ACP3: variants seen among roughly 807,000 people sequenced by gnomAD.
ACP3 encodes prostatic acid phosphatase.
In ACP3, 38 loss-of-function variants were observed where a neutral mutation model predicts 45.6. The observed-to-expected ratio is 0.83, with a 90% CI of 0.64 to 1.09. The LOEUF (loss-of-function observed/expected upper bound fraction) is 1.09, where lower values mean the gene tolerates loss of function less well. ACP3 is among the 50% of genes least tolerant of loss of function. ACP3 has a pLI of 0.00. For missense variants in ACP3, 466 were observed against 463.2 expected (o/e 1.01, Z -0.05); for synonymous variants, 162 against 164.7 (o/e 0.98, Z 0.13).
intron 8 of ACP3, among the ~76,000 whole-genome samples, chr3:132,351,266 C>T (rs1937730679): frequency 6.6e-6 from 1 of 152,190 alleles, no homozygotes; most frequent in Non-Finnish European, 1.5e-5. Context: ...AGCAAGAGAT[C>T]TTAGAAAAGG....
At chr3:132,324,346 G>A (rs1414314684) in intron 1 of ACP3, among the ~76,000 whole-genome samples, 1 of 152,158 alleles carries the variant, frequency 6.6e-6, no homozygotes, top group East Asian at 1.9e-4. Flanking sequence ...AGATTCAGTG[G>A]AGCAGGTTCA....
chr3:132,362,678 C>T (rs1339330440), downstream of ACP3, among the ~76,000 whole-genome samples: 1 of 152,200 alleles, frequency 6.6e-6, no homozygotes, highest in Non-Finnish European at 1.5e-5. Context: ...GATGTTCAAA[C>T]TGAAACCTGA....
chr3:132,328,159 A>T, intron 1 of ACP3, 108 bp from the exon 2 acceptor site: 1 of 748,490 alleles, frequency 1.3e-6, no homozygotes, highest in Non-Finnish European at 2.1e-6. Flanking sequence ...TTACAATGGG[A>T]AGCCAAAGTT....
rs201661914 is a variant in ACP3, at chr3:132,355,921, G to T, written c.969-765G>T. Among the ~76,000 whole-genome samples, 222 of 106,122 alleles carry T rather than the reference G, an allele frequency of 2.1e-3. 2 individuals are homozygous for T. The East Asian group carries it at 0.062, about 30-fold the overall frequency. 69.6% of individuals were successfully genotyped at this position (106,122 alleles called of 152,430 possible). A position where few individuals can be genotyped will look rare whatever the true frequency, so the allele number is the denominator to read the frequency against. ...GACAACCAAAAGTAGCCATTGTAAG[G>T]TTACACCAAAAGAAGGATCTCTAAA... On this transcript the variant is annotated intron_variant, in intron 9 of 9. Coordinates refer to ENST00000336375, the MANE Select transcript of ACP3 (RefSeq NM_001099.5).
chr3:132,366,283 G>A (rs1026416705), intron 10 of ACP3, among the ~76,000 whole-genome samples: 4 of 146,852 alleles, frequency 2.7e-5, no homozygotes, highest in Admixed American at 2.0e-4. Context: ...TTGGGTGACA[G>A]AGTGAAACTC....
At chr3:132,355,058 G>A (rs1200853913) in intron 9 of ACP3, among the ~76,000 whole-genome samples, 5 of 152,188 alleles carry the variant, frequency 3.3e-5, no homozygotes, top group African/African-American at 1.2e-4. Flanking sequence ...ATTAATAGAT[G>A]TGATTCACAC....
chr3:132,362,506 A>G (rs1194672732), downstream of ACP3, among the ~76,000 whole-genome samples: 1 of 152,226 alleles, frequency 6.6e-6, no homozygotes, highest in Non-Finnish European at 1.5e-5. Flanking sequence ...GACTGTCCCC[A>G]TATGGCTTGC....
intron 1 of ACP3, among the ~76,000 whole-genome samples, chr3:132,327,828 C>A (rs1012025976): frequency 6.6e-6 from 1 of 151,958 alleles, no homozygotes; most frequent in Admixed American, 6.6e-5. Context: ...TTACTGTAAT[C>A]ATTAAGGGAA....
At position 132,317,461 on chromosome 3, in the gene ACP3, G is replaced by T. The variant is rs759555720; in HGVS notation, c.5G>T (p.Arg2Ile). ...CCAGAAACAGCTCTCCTCAACATGA[G>T]AGCTGCACCCCTCCTCCTGGCCAGG... M[R>I]AAPLLLARAA... is the part of the protein sequence containing the mutation. Residue 2 changes from arginine to isoleucine, a missense_variant, in exon 1 of 10, where the codon AGA (arginine) becomes ATA (isoleucine). Coordinates refer to ENST00000336375, the MANE Select transcript of ACP3 (RefSeq NM_001099.5). 6 of 1,612,400 alleles carry T rather than the reference G, an allele frequency of 3.7e-6. No homozygotes were observed. In the East Asian group the frequency reaches 6.7e-5, roughly 18 times the overall value.
intron 4 of ACP3, among the ~76,000 whole-genome samples, chr3:132,336,916 A>G (rs1166339309): frequency 1.3e-5 from 2 of 152,226 alleles, no homozygotes; most frequent in Non-Finnish European, 2.9e-5. Context: ...TTGTCCTCAC[A>G]ACAGGTTTTT....
rs532956664 is a variant in ACP3, at chr3:132,337,957, C to A, written c.555+403C>A. Among the ~76,000 whole-genome samples the A allele has an allele frequency of 2.6e-5, 4 of 151,980 alleles. No individual in the cohort carries two copies. In the East Asian group the frequency reaches 5.8e-4, roughly 22 times the overall value. ...TTTTGCAAAGTACCCATTTTCAGCA[C>A]AATACAAAAGGTAGATATAATGCTG... On this transcript the variant is annotated intron_variant, in intron 5 of 9. Coordinates refer to ENST00000336375, the MANE Select transcript of ACP3 (RefSeq NM_001099.5).
At chr3:132,362,885 T>C (rs974671503), downstream of ACP3, among the ~76,000 whole-genome samples, 39 of 152,294 alleles carry the variant, frequency 2.6e-4, no homozygotes, top group African/African-American at 9.4e-4. Context: ...AGTTGAGCTG[T>C]TGTGCTCATG....
intron 4 of ACP3, among the ~76,000 whole-genome samples, chr3:132,333,742 G>T: frequency 6.6e-6 from 1 of 151,948 alleles, no homozygotes; most frequent in South Asian, 2.1e-4. Flanking sequence ...ATTCCAAAAA[G>T]AAAAAAAATC....
At chr3:132,324,712 G>A (rs562934808) in intron 1 of ACP3, among the ~76,000 whole-genome samples, 24 of 152,190 alleles carry the variant, frequency 1.6e-4, no homozygotes, top group African/African-American at 2.9e-4. Context: ...GCACGATCTC[G>A]GCTTACTGCA....
At chr3:132,329,694 C>T (rs1937364384) in intron 2 of ACP3, among the ~76,000 whole-genome samples, 1 of 152,154 alleles carries the variant, frequency 6.6e-6, no homozygotes. Context: ...ACCTTGATTA[C>T]CCATCAGATT....
At chr3:132,331,101 A>G (rs1446731302) in intron 2 of ACP3, among the ~76,000 whole-genome samples, 1 of 152,192 alleles carries the variant, frequency 6.6e-6, no homozygotes, top group Non-Finnish European at 1.5e-5. Flanking sequence ...GGGCCCAAGA[A>G]TTTGATTTCT....
chr3:132,358,986 T>A, downstream of ACP3: 1 of 743,780 alleles, frequency 1.3e-6, no homozygotes, highest in Non-Finnish European at 1.6e-6. Flanking sequence ...GGTGAAGCTG[T>A]GGATGGCTCT....
intron 1 of ACP3, among the ~76,000 whole-genome samples, chr3:132,325,422 C>G (rs1937280423): frequency 6.6e-6 from 1 of 152,160 alleles, no homozygotes; most frequent in African/African-American, 2.4e-5. Flanking sequence ...TGATTATGTT[C>G]CAGTTCTCTG....
At chr3:132,320,309 A>G (rs1937182600) in intron 1 of ACP3, among the ~76,000 whole-genome samples, 3 of 152,192 alleles carry the variant, frequency 2.0e-5, no homozygotes, top group Non-Finnish European at 4.4e-5. Flanking sequence ...AATCGTAAAT[A>G]TGGTGAATCT....
Sources: allele counts gnomAD v4.1 joint callset (sites outside exome capture counted in the v4.1 genomes callset), GRCh38; gene constraint gnomAD v4.1.1; transcripts MANE v1.5; gene names NCBI Gene and HGNC (gene_info 2026-07-23, HGNC 2026-07-21).